Variants in SLC24A2 observed in about 807,000 individuals in gnomAD.
SLC24A2 encodes the protein sodium/potassium/calcium exchanger 2.
In SLC24A2, 36 loss-of-function variants were observed where a neutral mutation model predicts 62.0. The observed-to-expected ratio is 0.58, with a 90% CI of 0.44 to 0.77. The LOEUF is 0.77. Among genes scored for constraint, SLC24A2 ranks in the 30% least tolerant of loss-of-function variants. The pLI is 0.00. For synonymous variants in SLC24A2, 358 were observed against 294.0 expected, an observed-to-expected ratio of 1.22 and a Z score of -2.23; for missense variants, 846 against 817.9, an observed-to-expected ratio of 1.03 and a Z score of -0.42.
rs149412897 is a variant in SLC24A2 at position 19,781,080 on chromosome 9, T to A, written c.930+4857A>T. Among the ~76,000 whole-genome samples the A allele has an allele frequency of 8.3e-3, 1,266 of 152,198 alleles. 9 individuals are homozygous for A. Among genetic ancestry groups the A allele is most frequent in the Non-Finnish European group, 0.012 (818 of 68,012 alleles). On this transcript the variant is annotated intron_variant, in intron 2 of 10. Transcript: ENST00000341998. ...AATATAAACAAAGTAAACTTTCCGG[T>A]TAAAAGACAATGCTTGTGAAACTGA...
chr9:19,519,375 G>GTA (rs916134035), intron 10 of SLC24A2, among the ~76,000 whole-genome samples: 15 of 150,598 alleles, frequency 1.0e-4, no homozygotes, highest in Non-Finnish European at 2.2e-4. Context: ...GTGTGTGTGT[G>GTA]TATGTATACA....
the SLC24A2 span, among the ~76,000 whole-genome samples, chr9:19,910,896 TC>T: frequency 1.3e-5 from 2 of 149,182 alleles, no homozygotes; most frequent in East Asian, 3.9e-4. Context: ...CTTTTTTTTT[TC>T]TTTTCTTTTC....
At chr9:20,110,069 G>C in the SLC24A2 span, among the ~76,000 whole-genome samples, 1 of 151,940 alleles carries the variant, frequency 6.6e-6, no homozygotes, top group Admixed American at 6.6e-5. Flanking sequence ...CAAGTAATCT[G>C]AACTGTAGGG....
At chr9:20,189,282 G>A in the SLC24A2 span, among the ~76,000 whole-genome samples, 1 of 152,062 alleles carries the variant, frequency 6.6e-6, no homozygotes, top group Non-Finnish European at 1.5e-5. Flanking sequence ...TAGTTCTTAA[G>A]AGCCAGAGTT....
At chr9:20,215,386 T>C in the SLC24A2 span, among the ~76,000 whole-genome samples, 4 of 152,138 alleles carry the variant, frequency 2.6e-5, no homozygotes, top group African/African-American at 9.7e-5. Context: ...TCGAGAACTA[T>C]GTTATAAAAC....
At chr9:20,273,473 G>A in the SLC24A2 span, among the ~76,000 whole-genome samples, 2 of 152,138 alleles carry the variant, frequency 1.3e-5, no homozygotes, top group African/African-American at 4.8e-5. Flanking sequence ...GAACCCTGTG[G>A]GAGATGATTG....
the SLC24A2 span, among the ~76,000 whole-genome samples, chr9:20,307,584 C>T: frequency 2.6e-5 from 4 of 152,346 alleles, no homozygotes; most frequent in South Asian, 8.3e-4. Context: ...GCAAGCTTCT[C>T]ATTTGGCGTT....
the SLC24A2 span, among the ~76,000 whole-genome samples, chr9:20,102,617 A>G: frequency 6.6e-6 from 1 of 151,988 alleles, no homozygotes; most frequent in African/African-American, 2.4e-5. Flanking sequence ...CATTCTGCAC[A>G]TGTATCCCAG....
the SLC24A2 span, among the ~76,000 whole-genome samples, chr9:20,055,166 C>T: frequency 6.6e-6 from 1 of 152,098 alleles, no homozygotes; most frequent in African/African-American, 2.4e-5. Context: ...CCCCTTGCTG[C>T]GTCAAGACTT....
chr9:20,235,861 C>T, the SLC24A2 span, among the ~76,000 whole-genome samples: 1 of 151,910 alleles, frequency 6.6e-6, no homozygotes, highest in Non-Finnish European at 1.5e-5. Flanking sequence ...TCCCATTCGG[C>T]CTTCTTGGCT....
chr9:20,030,324 T>C, the SLC24A2 span, among the ~76,000 whole-genome samples: 1 of 152,254 alleles, frequency 6.6e-6, no homozygotes, highest in African/African-American at 2.4e-5. Context: ...CTGGGTGTTT[T>C]AGATAAATCG....
the SLC24A2 span, chr9:19,896,014 C>T: frequency 6.0e-6 from 9 of 1,494,266 alleles, no homozygotes; most frequent in Non-Finnish European, 7.4e-6. Context: ...ACGGCAGGGT[C>T]GTGGGAAGCC....
At chr9:20,295,959 T>C in the SLC24A2 span, among the ~76,000 whole-genome samples, 1 of 152,214 alleles carries the variant, frequency 6.6e-6, no homozygotes, top group Non-Finnish European at 1.5e-5. Flanking sequence ...CTGACTAATA[T>C]AAATTTTGTA....
intron 7 of SLC24A2, among the ~76,000 whole-genome samples, chr9:19,571,550 T>A (rs1025030650): frequency 9.2e-5 from 14 of 152,114 alleles, no homozygotes; most frequent in African/African-American, 3.4e-4. Context: ...CCAAGTATGG[T>A]CCTTGGACCA....
At chr9:19,869,988 C>T in the SLC24A2 span, among the ~76,000 whole-genome samples, 1 of 152,168 alleles carries the variant, frequency 6.6e-6, no homozygotes, top group South Asian at 2.1e-4. Flanking sequence ...TTCTACACTT[C>T]ATCCTTACTT....
chr9:19,681,631 T>A (rs536619913), intron 2 of SLC24A2, among the ~76,000 whole-genome samples: 1 of 152,282 alleles, frequency 6.6e-6, no homozygotes, highest in African/African-American at 2.4e-5. Flanking sequence ...TGTCTCCATC[T>A]TCTTTGCCCC....
chr9:19,725,001 C>T (rs1362530302), intron 2 of SLC24A2, among the ~76,000 whole-genome samples: 2 of 152,168 alleles, frequency 1.3e-5, no homozygotes, highest in Non-Finnish European at 1.5e-5. Context: ...GCTTCAAAAC[C>T]TTTCCAGCGC....
rs1564009967 is a variant in SLC24A2 at position 19,636,371 on chromosome 9, CTTTCTTTCTTTCTTT to C, written c.931-14087_931-14073del. ...TCTTTCTTTCTTTCTTTCTTTCTTTCTTTCTTTCTTTCTTTCTCCCTCTCTCTCTCTCTCTCTTTC... is the reference window on the plus strand; with the variant it reads ...TCTTTCTTTCTTTCTTTCTTTCTTTCCTCCCTCTCTCTCTCTCTCTCTTTC... On this transcript the variant is annotated intron_variant, in intron 2 of 10. Coordinates refer to ENST00000341998, the MANE Select transcript of SLC24A2 (RefSeq NM_020344.4). Among the ~76,000 whole-genome samples the C allele has an allele frequency of 5.7e-4, 19 of 33,594 alleles. 2 individuals are homozygous for C. Among genetic ancestry groups the C allele is most frequent in the African/African-American group, 9.0e-4 (7 of 7,796 alleles). 22.0% of individuals were successfully genotyped at this position (33,594 alleles called of 152,430 possible).
the SLC24A2 span, among the ~76,000 whole-genome samples, chr9:20,009,620 G>A: frequency 0.022 from 3,312 of 152,232 alleles, 131 homozygotes; most frequent in African/African-American, 0.075. Flanking sequence ...TAGGTCGAGA[G>A]GCAACTGTAG....
Sources: gnomAD v4.1 joint callset for allele counts (sites outside exome capture counted in the v4.1 genomes callset) on GRCh38, gnomAD v4.1.1 for gene constraint, MANE v1.5 for transcripts, NCBI Gene and HGNC (gene_info 2026-07-23, HGNC 2026-07-21) for gene names.